CHST8: variants seen among roughly 807,000 people sequenced by gnomAD.
CHST8 encodes the protein GALNAC-4-ST1.
A neutral mutation model predicts 15.0 loss-of-function variants in CHST8; 10 were observed. The ratio of observed to expected loss-of-function variants is 0.67; its 90% CI spans 0.41 to 1.13. CHST8 has a LOEUF of 1.13. Among genes scored for constraint, CHST8 ranks in the 50% most tolerant of loss-of-function variants. The probability of loss-of-function intolerance (pLI) is 0.00; values close to 1 mark genes in which losing one functional copy is unlikely to be tolerated. For synonymous variants in CHST8, 259 were observed against 256.6 expected (o/e 1.01, Z -0.09); for missense variants, 634 against 608.2 (o/e 1.04, Z -0.45).
chr19:33,716,958 T>C (rs1973676127), intron 3 of CHST8, among the ~76,000 whole-genome samples: 1 of 152,160 alleles, frequency 6.6e-6, no homozygotes, highest in Non-Finnish European at 1.5e-5. Context: ...TCTGCCCCTG[T>C]CTGCATCAGA....
At chr19:33,683,482 C>T (rs1051188928) in intron 2 of CHST8, among the ~76,000 whole-genome samples, 10 of 152,118 alleles carry the variant, frequency 6.6e-5, no homozygotes, top group Admixed American at 6.6e-4. Flanking sequence ...CCCTGGGGGC[C>T]GTTTCTTCCT....
rs112173804 is a variant in CHST8 at position 33,758,667 on chromosome 19, C to T, written c.131-12746C>T. 8.7e-3 allele frequency among the ~76,000 whole-genome samples: 1,319 copies of T among 152,292 alleles called. 22 individuals are homozygous for T. Among genetic ancestry groups the T allele is most frequent in the African/African-American group, 0.031 (1,269 of 41,540 alleles). ...TGGGCCACAGTGGTAATGAGGCTGC[C>T]GTCCTGGCTGCCTGACTCCATTCCA... On this transcript the variant is annotated intron_variant, in intron 3 of 4. Coordinates refer to ENST00000650847, the MANE Select transcript of CHST8 (RefSeq NM_001127895.2).
chr19:33,721,355 C>T (rs115105171), intron 3 of CHST8, among the ~76,000 whole-genome samples: 2,675 of 152,288 alleles, frequency 0.018, 56 homozygotes, highest in African/African-American at 0.05. Flanking sequence ...CAGGTATCTT[C>T]CTATCTCTGA....
chr19:33,734,604 G>A (rs759088404), intron 3 of CHST8, among the ~76,000 whole-genome samples: 34 of 152,244 alleles, frequency 2.2e-4, no homozygotes, highest in Non-Finnish European at 4.3e-4. Context: ...CCAGGAGAAC[G>A]CCCTGCCATC....
intron 3 of CHST8, among the ~76,000 whole-genome samples, chr19:33,767,866 C>T (rs1014550452): frequency 6.6e-6 from 1 of 152,082 alleles, no homozygotes; most frequent in Admixed American, 6.6e-5. Context: ...CTCTGCAAGG[C>T]CACTGATGTT....
intron 3 of CHST8, among the ~76,000 whole-genome samples, chr19:33,757,965 C>T (rs910884797): frequency 2.6e-5 from 4 of 152,192 alleles, no homozygotes; most frequent in East Asian, 1.9e-4. Context: ...GCTTCAAGGC[C>T]CTGCCCTGGG....
At chr19:33,768,479 T>TC (rs1974899006) in intron 3 of CHST8, among the ~76,000 whole-genome samples, 2 of 152,180 alleles carry the variant, frequency 1.3e-5, no homozygotes, top group African/African-American at 4.8e-5. Flanking sequence ...TGAGACAAAG[T>TC]CTCACTCTGT....
intron 2 of CHST8, among the ~76,000 whole-genome samples, chr19:33,678,776 C>G (rs1218490155): frequency 6.6e-6 from 1 of 152,056 alleles, no homozygotes; most frequent in African/African-American, 2.4e-5. Context: ...TGGAGGTTAC[C>G]CTTTGGAAGC....
chr19:33,690,526 T>C (rs1196969693), intron 3 of CHST8, among the ~76,000 whole-genome samples: 1 of 152,140 alleles, frequency 6.6e-6, no homozygotes, highest in Non-Finnish European at 1.5e-5. Flanking sequence ...GCTGGGGCCC[T>C]GGGTCTGGCA....
At chr19:33,636,394 G>A (rs1473862420) in intron 1 of CHST8, among the ~76,000 whole-genome samples, 1 of 152,094 alleles carries the variant, frequency 6.6e-6, no homozygotes, top group Admixed American at 6.5e-5. Context: ...ACAACCTGGC[G>A]GCTTCAGGCT....
Position 33,748,430 on chromosome 19 carries a change from C to T in CHST8, c.131-22983C>T, listed in dbSNP as rs918907494. ...AGGGCTACCCGCTCGTTGGTGCCAGCGCCGCTGGGCAGGCTCATGGCCGTG... is the reference window on the plus strand; with the variant it reads ...AGGGCTACCCGCTCGTTGGTGCCAGTGCCGCTGGGCAGGCTCATGGCCGTG... On this transcript the variant is annotated intron_variant, in intron 3 of 4. Coordinates refer to ENST00000650847, the MANE Select transcript of CHST8 (RefSeq NM_001127895.2). Among the ~76,000 whole-genome samples, 11 of 152,362 alleles carry T rather than the reference C, an allele frequency of 7.2e-5. No individual in the cohort carries two copies. In the East Asian group the frequency reaches 1.5e-3, roughly 21 times the overall value.
At chr19:33,686,347 G>T (rs1200659901) in intron 2 of CHST8, among the ~76,000 whole-genome samples, 2 of 152,164 alleles carry the variant, frequency 1.3e-5, no homozygotes, top group African/African-American at 4.8e-5. Context: ...GGCATCATGG[G>T]GTGGGTTTGG....
chr19:33,636,962 A>G (rs918961328), intron 1 of CHST8, among the ~76,000 whole-genome samples: 1 of 152,192 alleles, frequency 6.6e-6, no homozygotes, highest in East Asian at 1.9e-4. Context: ...GCAGCCCCCA[A>G]CCACTGCTGG....
At chr19:33,627,101 G>C (rs1004099376) in intron 1 of CHST8, among the ~76,000 whole-genome samples, 8 of 127,074 alleles carry the variant, frequency 6.3e-5, no homozygotes, top group Admixed American at 7.9e-5. Flanking sequence ...CTTTTTTTGG[G>C]GGGGGGGCGG....
chr19:33,624,904 C>G (rs1380709923), intron 1 of CHST8, among the ~76,000 whole-genome samples: 46 of 152,112 alleles, frequency 3.0e-4, no homozygotes, highest in Non-Finnish European at 1.5e-5. Context: ...ATGTCCCCAT[C>G]TCCTGCCTGC....
intron 3 of CHST8, among the ~76,000 whole-genome samples, chr19:33,769,770 G>A (rs574830123): frequency 3.3e-5 from 5 of 152,216 alleles, no homozygotes; most frequent in East Asian, 1.9e-4. Context: ...AGTCTCCAGG[G>A]AAGAGTCTAG....
chr19:33,732,561 C>T (rs1974014855), intron 3 of CHST8, among the ~76,000 whole-genome samples: 1 of 151,964 alleles, frequency 6.6e-6, no homozygotes, highest in South Asian at 2.1e-4. Context: ...ATGCAGAACA[C>T]AGGCAAGTAC....
intron 3 of CHST8, among the ~76,000 whole-genome samples, chr19:33,739,729 C>T (rs185677797): frequency 1.3e-5 from 2 of 152,264 alleles, no homozygotes; most frequent in Admixed American, 6.5e-5. Context: ...TTTACAAAAA[C>T]ACCTTTTGTC....
intron 2 of CHST8, among the ~76,000 whole-genome samples, chr19:33,676,032 C>T (rs748395289): frequency 1.3e-4 from 20 of 152,194 alleles, no homozygotes; most frequent in Non-Finnish European, 2.4e-4. Context: ...CACCCATTGC[C>T]TCCTCTTTCA....
Sources: gnomAD v4.1 joint callset for allele counts (sites outside exome capture counted in the v4.1 genomes callset) on GRCh38, gnomAD v4.1.1 for gene constraint, MANE v1.5 for transcripts, NCBI Gene and HGNC (gene_info 2026-07-23, HGNC 2026-07-21) for gene names.